LHX6: variants seen among roughly 807,000 people sequenced by gnomAD.
The protein encoded by LHX6 is LIM/homeobox protein Lhx6.
In LHX6, 15 loss-of-function variants were observed where a neutral mutation model predicts 47.1. The observed-to-expected ratio is 0.32, with a 90% confidence interval of 0.21 to 0.49. The LOEUF is 0.49. Among genes scored for constraint, LHX6 ranks in the 20% least tolerant of loss-of-function variants. The probability of loss-of-function intolerance (pLI) is 0.99; values close to 1 mark genes in which losing one functional copy is unlikely to be tolerated. For synonymous variants in LHX6, 242 were observed against 233.5 expected (o/e 1.04, Z -0.33); for missense variants, 404 against 539.6 (o/e 0.75, Z 2.49).
At chr9:122,209,248 C>T (rs1002972299) in intron 9 of LHX6, among the ~76,000 whole-genome samples, 9 of 152,194 alleles carry the variant, frequency 5.9e-5, no homozygotes, top group African/African-American at 2.2e-4. Context: ...TCAGGATATT[C>T]ACTCCCAACA....
intron 9 of LHX6, 29 bp from the exon 10 acceptor site, chr9:122,204,809 G>C: frequency 2.0e-6 from 3 of 1,536,230 alleles, no homozygotes; most frequent in Non-Finnish European, 2.6e-6. Flanking sequence ...GGAGGTGGCT[G>C]AGCTGGGGGC....
chr9:122,217,945 G>C lies in LHX6; in HGVS notation c.462-657C>G, dbSNP rs923292248. Among the ~76,000 whole-genome samples the C allele has an allele frequency of 6.6e-6, 1 of 152,214 alleles. No homozygotes were observed. Among genetic ancestry groups the C allele is most frequent in the Admixed American group, 6.5e-5 (1 of 15,290 alleles). ...ACAACAGCAATGACTACTACTGTTT[G>C]TTTAGTGCTTTGCAGTTGGCTAAGT... On this transcript the variant is annotated intron_variant, in intron 4 of 9. Coordinates refer to ENST00000394319, the MANE Select transcript of LHX6 (RefSeq NM_014368.5). This position sits in a 1 kb window ranked among gnomAD's most constrained non-coding sequence, Gnocchi z 4.9.
intron 8 of LHX6, among the ~76,000 whole-genome samples, chr9:122,210,032 C>T (rs1462814692): frequency 3.9e-5 from 6 of 152,260 alleles, no homozygotes; most frequent in South Asian, 4.1e-4. Flanking sequence ...CCCACCACCA[C>T]GCCCAGCTAA....
chr9:122,221,738 A>G, intron 4 of LHX6: 1 of 985,484 alleles, frequency 1.0e-6, no homozygotes, highest in Non-Finnish European at 1.2e-6. Context: ...GGAGCCACAC[A>G]TCAGAAAACA....
At chr9:122,221,716 A>G in intron 4 of LHX6, 1 of 985,482 alleles carries the variant, frequency 1.0e-6, no homozygotes, top group Non-Finnish European at 1.2e-6. Flanking sequence ...TAAGTGTTGC[A>G]AGATCACCCA....
intron 8 of LHX6, among the ~76,000 whole-genome samples, chr9:122,211,637 C>T (rs888272602): frequency 6.6e-6 from 1 of 152,222 alleles, no homozygotes; most frequent in Non-Finnish European, 1.5e-5. Context: ...TGCAGGTGCA[C>T]ACACCCCCAA....
intron 8 of LHX6, among the ~76,000 whole-genome samples, chr9:122,210,909 G>A (rs1054255858): frequency 1.3e-5 from 2 of 152,106 alleles, no homozygotes; most frequent in Admixed American, 6.5e-5. Context: ...ATCTGTCTTT[G>A]CCAACTAGAA....
chr9:122,227,503 G>C (rs1438084721), intron 1 of LHX6, 23 bp from the exon 2 acceptor site: 1 of 1,525,050 alleles, frequency 6.6e-7, no homozygotes. Flanking sequence ...GGGAGGGAAC[G>C]CAGGCGGCGG....
intron 5 of LHX6, among the ~76,000 whole-genome samples, chr9:122,216,450 G>A (rs1376054784): frequency 6.6e-6 from 1 of 152,214 alleles, no homozygotes; most frequent in Non-Finnish European, 1.5e-5. Context: ...TTGCACAGAT[G>A]TAGGGACTGA....
intron 9 of LHX6, among the ~76,000 whole-genome samples, chr9:122,208,128 G>A (rs1297845730): frequency 6.6e-6 from 1 of 152,106 alleles, no homozygotes; most frequent in Non-Finnish European, 1.5e-5. Context: ...CACTGCCGCA[G>A]CATAAAATAC....
At position 122,214,013 on chromosome 9, in the gene LHX6, C is replaced by T. The variant is rs1588343872; in HGVS notation, c.840G>A (p.Lys280=). Reference sequence around the variant, plus strand: ...GGCTGAGGCCCGTCATGTCCGCCAGCTTCTGCAGCGTCTGAGCGTCGGGGT... The same window carrying T: ...GGCTGAGGCCCGTCATGTCCGCCAGTTTCTGCAGCGTCTGAGCGTCGGGGT... The part of the protein sequence containing the change: ...DNNPDAQTLQ[K]LADMTGLSRR... Residue 280 remains lysine (K), a synonymous_variant, in exon 7 of 10, where the codon AAG becomes AAA. Coordinates refer to ENST00000394319, the MANE Select transcript of LHX6 (RefSeq NM_014368.5). This position sits in a 1 kb window ranked among gnomAD's most constrained non-coding sequence, Gnocchi z 4.6. 1 of 1,602,462 alleles carries T rather than the reference C, an allele frequency of 6.2e-7. No homozygotes were observed. Among genetic ancestry groups the T allele is most frequent in the African/African-American group, 1.3e-5 (1 of 74,976 alleles).
At chr9:122,227,346 C>T (rs888520000) in intron 2 of LHX6, 63 bp downstream of exon 2, 42 of 1,406,448 alleles carry the variant, frequency 3.0e-5, no homozygotes, top group Non-Finnish European at 3.8e-5. Context: ...GAAAACCTGG[C>T]CAGGTCCCCA....
chr9:122,208,791 C>T (rs1274029227), intron 9 of LHX6, among the ~76,000 whole-genome samples: 6 of 145,112 alleles, frequency 4.1e-5, no homozygotes, highest in Non-Finnish European at 7.4e-5. Flanking sequence ...GCCGAGATTG[C>T]GCCATTGCAC....
chr9:122,215,001 A>G (rs1332194930), intron 5 of LHX6, among the ~76,000 whole-genome samples: 1 of 152,208 alleles, frequency 6.6e-6, no homozygotes, highest in Admixed American at 6.5e-5. Flanking sequence ...TAACCGGCGT[A>G]TATGTTAGAT....
chr9:122,212,268 G>A (rs149356699), intron 8 of LHX6, among the ~76,000 whole-genome samples: 184 of 152,282 alleles, frequency 1.2e-3, no homozygotes, highest in African/African-American at 4.0e-3. Flanking sequence ...GCTGGGATGT[G>A]AAGCCTGGCA....
At chr9:122,219,332 C>T (rs1419823812) in intron 4 of LHX6, among the ~76,000 whole-genome samples, 1 of 152,210 alleles carries the variant, frequency 6.6e-6, no homozygotes, top group African/African-American at 2.4e-5. Flanking sequence ...TTGAATCCAC[C>T]GCTCCCCTAA....
At chr9:122,227,675 T>G in intron 1 of LHX6, 195 bp from the exon 2 acceptor site, 1 of 1,226,088 alleles carries the variant, frequency 8.2e-7, no homozygotes, top group South Asian at 2.1e-5. Flanking sequence ...TTGGATTGGA[T>G]TTTTTCCCTC....
chr9:122,228,210 A>G, intron 1 of LHX6: 1 of 1,500,314 alleles, frequency 6.7e-7, no homozygotes, highest in Non-Finnish European at 9.0e-7. Context: ...CGGAGCAAAA[A>G]GAGAGCGAGA....
chr9:122,227,758 C>T lies in LHX6; in HGVS notation c.85-278G>A, dbSNP rs990388199. ...CTTAGTTCCCTTGCAATCCAAGCCT[C>T]TGAGGGGGGAAGAAAAACACGCGCA... On this transcript the variant is annotated intron_variant, in intron 1 of 9. Coordinates refer to ENST00000394319, the MANE Select transcript of LHX6 (RefSeq NM_014368.5). The T allele has an allele frequency of 6.9e-5, 35 of 503,608 alleles. No individual in the cohort carries two copies. The East Asian group carries it at 1.2e-3, about 17-fold the overall frequency. 31.2% of individuals were successfully genotyped at this position (503,608 alleles called of 1,614,324 possible).
Sources: gnomAD v4.1 joint callset for allele counts (sites outside exome capture counted in the v4.1 genomes callset) on GRCh38, gnomAD v4.1.1 for gene constraint, Gnocchi (gnomAD v3.1) non-coding constraint, MANE v1.5 for transcripts, NCBI Gene and HGNC (gene_info 2026-07-23, HGNC 2026-07-21) for gene names.